COL9A1: variants seen among roughly 807,000 people sequenced by gnomAD.
The protein encoded by COL9A1 is collagen type IX alpha 1 chain.
A neutral mutation model predicts 142.6 loss-of-function variants in COL9A1; 104 were observed. The ratio of observed to expected loss-of-function variants is 0.73; its 90% CI spans 0.62 to 0.86. COL9A1 has a LOEUF of 0.86. Among genes scored for constraint, COL9A1 ranks in the 40% least tolerant of loss-of-function variants. The pLI, the probability that COL9A1 is intolerant of heterozygous loss-of-function variation, is 0.00. For missense variants in COL9A1, 1,210 were observed against 1,176.6 expected (o/e 1.03, Z -0.42); for synonymous variants, 466 against 396.0 (o/e 1.18, Z -2.10).
chr6:70,272,130 A>C, intron 12 of COL9A1, 42 bp from the exon 13 acceptor site: 1 of 1,541,672 alleles, frequency 6.5e-7, no homozygotes, highest in African/African-American at 1.4e-5. Context: ...TGAGGTTTAT[A>C]CTTAGTATAA....
chr6:70,283,224 G>C, intron 6 of COL9A1: 1 of 1,458,760 alleles, frequency 6.9e-7, no homozygotes, highest in Non-Finnish European at 9.0e-7. Flanking sequence ...CCCTGTTTAT[G>C]AATGGCCCCG....
intron 33 of COL9A1, 145 bp downstream of exon 33, chr6:70,239,109 C>T (rs920678883): frequency 4.5e-5 from 27 of 599,688 alleles, no homozygotes; most frequent in East Asian, 3.3e-4. Flanking sequence ...ACTGCATTCA[C>T]GCCTGGGCGA....
chr6:70,245,499 C>T (rs1770537470), intron 28 of COL9A1, among the ~76,000 whole-genome samples: 1 of 152,128 alleles, frequency 6.6e-6, no homozygotes, highest in African/African-American at 2.4e-5. Context: ...TCTTCAACAG[C>T]CTTGGTGATA....
chr6:70,301,409 C>G (rs985473666), intron 2 of COL9A1, among the ~76,000 whole-genome samples: 2 of 152,100 alleles, frequency 1.3e-5, no homozygotes, highest in Non-Finnish European at 2.9e-5. Context: ...AAGCCCGTCT[C>G]TACTAAAAAT....
intron 20 of COL9A1, among the ~76,000 whole-genome samples, chr6:70,259,319 C>T (rs1342745584): frequency 6.6e-6 from 1 of 152,074 alleles, no homozygotes; most frequent in South Asian, 2.1e-4. Context: ...CACCAATTAA[C>T]CATAGAAGTT....
chr6:70,297,075 C>T (rs1773873406), intron 4 of COL9A1, among the ~76,000 whole-genome samples: 1 of 152,096 alleles, frequency 6.6e-6, no homozygotes, highest in Non-Finnish European at 1.5e-5. Context: ...CTGAAGTTAA[C>T]TGAGGGAGTT....
chr6:70,286,940 C>A (rs1583337387), intron 5 of COL9A1, among the ~76,000 whole-genome samples: 1 of 152,298 alleles, frequency 6.6e-6, no homozygotes, highest in African/African-American at 2.4e-5. Context: ...CATTCATGTG[C>A]TTTGGGATAG....
rs1199639240 is a variant in COL9A1 at position 70,294,487 on chromosome 6, T to C, written c.376A>G (p.Lys126Glu). 1 of 1,614,116 alleles carries C rather than the reference T, an allele frequency of 6.2e-7. No individual in the cohort carries two copies. The highest frequency in any genetic ancestry group is 2.2e-5 in the East Asian group (1 of 44,878). ...TGAATCTGCCAAATGTTCCAGTTCT[T>C]TTTGAGAGTGCTTCCAGTCATTCGA... Reference protein sequence around the residue: ...TFRMTGSTLKKNWNIWQIQDS... With the variant: ...TFRMTGSTLKENWNIWQIQDS... The change falls in exon 5 of 38, where the codon AAG becomes GAG. Residue 126 changes from lysine (K) to glutamate (E), a missense_variant. Coordinates refer to ENST00000357250, the MANE Select transcript of COL9A1 (RefSeq NM_001851.6).
At chr6:70,248,180 C>T (rs1184967506) in intron 28 of COL9A1, among the ~76,000 whole-genome samples, 1 of 152,108 alleles carries the variant, frequency 6.6e-6, no homozygotes. Context: ...ATGAAAAGCC[C>T]AGGTCATGTG....
chr6:70,261,971 C>G (rs531980000), intron 19 of COL9A1, among the ~76,000 whole-genome samples: 1 of 152,044 alleles, frequency 6.6e-6, no homozygotes, highest in East Asian at 1.9e-4. Context: ...TCCCAAATAG[C>G]AGGAGGTAAT....
At chr6:70,242,215 G>A in intron 29 of COL9A1, 180 bp from the exon 30 acceptor site, 5 of 666,442 alleles carry the variant, frequency 7.5e-6, no homozygotes, top group Non-Finnish European at 1.4e-5. Context: ...CGGGGCCAAT[G>A]TTCTCCCAGC....
chr6:70,221,260 CA>C (rs935917249), intron 37 of COL9A1, among the ~76,000 whole-genome samples: 2 of 151,242 alleles, frequency 1.3e-5, no homozygotes, highest in Non-Finnish European at 3.0e-5. Flanking sequence ...ACAGTCAAAA[CA>C]AAAAAAGTGA....
chr6:70,281,352 GACTGGGGA>G (rs1773150781), intron 8 of COL9A1, 30 bp downstream of exon 8: 8 of 1,593,750 alleles, frequency 5.0e-6, no homozygotes, highest in Non-Finnish European at 6.0e-6. Flanking sequence ...GAAAGGGCAG[GACTGGGGA>G]ACAGAGGTGG....
rs375575411 is a variant in COL9A1 at position 70,294,422 on chromosome 6, A to C, written c.441T>G (p.Asn147Lys). 8.1e-6 allele frequency: 13 copies of C among 1,614,036 alleles called. No homozygotes were observed. Among genetic ancestry groups the C allele is most frequent in the Non-Finnish European group, 1.1e-5 (13 of 1,180,002 alleles). The change falls in exon 5 of 38, where the codon AAT (asparagine) becomes AAG (lysine). Residue 147 changes from asparagine (N) to lysine (K), a missense_variant. Asn to Lys is a moderately conservative substitution (Grantham distance 94, BLOSUM62 0). Coordinates refer to ENST00000357250, the MANE Select transcript of COL9A1 (RefSeq NM_001851.6). The stretch of plus-strand genomic sequence containing the variant: ...AAAATACAACAGATTGTGTTTGGCC[A>C]TTAATCTTTATGCCAACTTGCTCCT... ...SGKEQVGIKINGQTQSVVFSY... is the reference protein window; with the variant it reads ...SGKEQVGIKIKGQTQSVVFSY...
chr6:70,240,716 T>A lies in COL9A1; in HGVS notation c.2052A>T (p.Glu684Asp). The part of the protein sequence containing the change: ...PKGEQGASGE[E>D]GEAGERGELG... Reference sequence around the variant, plus strand: ...GTTCCCCCCTTTCTCCTGCTTCACCTTCTTCACCAGAGGCACCCTAAAAAT... The same window carrying A: ...GTTCCCCCCTTTCTCCTGCTTCACCATCTTCACCAGAGGCACCCTAAAAAT... The change falls in exon 32 of 38, where the codon GAA (glutamate) becomes GAT (aspartate). Residue 684 changes from glutamate to aspartate, a missense_variant. Glu to Asp is a conservative substitution (Grantham distance 45). Transcript: ENST00000357250. The A allele has an allele frequency of 6.2e-7, 1 of 1,613,100 alleles. No individual in the cohort carries two copies. Among genetic ancestry groups the A allele is most frequent in the Non-Finnish European group, 8.5e-7 (1 of 1,179,336 alleles).
At chr6:70,230,076 A>G (rs1769457121) in intron 36 of COL9A1, among the ~76,000 whole-genome samples, 1 of 152,216 alleles carries the variant, frequency 6.6e-6, no homozygotes, top group African/African-American at 2.4e-5. Context: ...AGGGATGGGG[A>G]AAAAAGCCAG....
intron 24 of COL9A1, 69 bp from the exon 25 acceptor site, chr6:70,254,598 G>A: frequency 1.4e-6 from 2 of 1,418,702 alleles, no homozygotes; most frequent in South Asian, 2.3e-5. Context: ...AGAAACGGAG[G>A]AGCACAGACG....
At chr6:70,277,893 C>T (rs547229151) in intron 10 of COL9A1, among the ~76,000 whole-genome samples, 29 of 152,318 alleles carry the variant, frequency 1.9e-4, no homozygotes, top group Admixed American at 1.5e-3. Context: ...GGTTCACCTA[C>T]CAAGAAAGGA....
At chr6:70,296,894 T>C (rs1773867894) in intron 4 of COL9A1, among the ~76,000 whole-genome samples, 1 of 152,130 alleles carries the variant, frequency 6.6e-6, no homozygotes, top group Admixed American at 6.5e-5. Flanking sequence ...AAAAGGAAGA[T>C]AAAAATCTAA....
Sources: allele counts gnomAD v4.1 joint callset (sites outside exome capture counted in the v4.1 genomes callset), GRCh38; gene constraint gnomAD v4.1.1; transcripts MANE v1.5; gene names NCBI Gene and HGNC (gene_info 2026-07-23, HGNC 2026-07-21).